PRIM2: variants seen among roughly 807,000 people sequenced by gnomAD.
PRIM2 encodes the protein DNA primase subunit 2.
Under a neutral mutation model 67.3 loss-of-function variants are expected in PRIM2, and 39 were observed. The ratio of observed to expected loss-of-function variants is 0.58; its 90% CI spans 0.45 to 0.76. The LOEUF (loss-of-function observed/expected upper bound fraction) is 0.76. PRIM2 is among the 30% of genes least tolerant of loss of function. PRIM2 has a pLI of 0.00. For missense variants in PRIM2, 398 were observed against 598.7 expected (o/e 0.66, Z 3.50); for synonymous variants, 143 against 198.7 (o/e 0.72, Z 2.36).
At chr6:57,509,705 C>T (rs2127460389) in intron 8 of PRIM2, among the ~76,000 whole-genome samples, 1 of 151,982 alleles carries the variant, frequency 6.6e-6, no homozygotes, top group East Asian at 1.9e-4. Context: ...TTTTTGCTCA[C>T]TCACCCCTAC....
In PRIM2 at chr6:57,333,046, C is replaced by T. The variant is rs558732468; in HGVS notation, c.459+7001C>T. Reference sequence around the variant, plus strand: ...ACTGTATTTTTTGAGTTATTTTCTTCGTGGTTTCCCTTAGAATTACAATTA... The same window carrying T: ...ACTGTATTTTTTGAGTTATTTTCTTTGTGGTTTCCCTTAGAATTACAATTA... On this transcript the variant is annotated intron_variant, in intron 5 of 13. Transcript: ENST00000615550. 8.2e-4 allele frequency among the ~76,000 whole-genome samples: 124 copies of T among 152,004 alleles called. 1 individual carries two copies. Among genetic ancestry groups the T allele is most frequent in the African/African-American group, 2.9e-3 (122 of 41,472 alleles).
intron 8 of PRIM2, among the ~76,000 whole-genome samples, chr6:57,529,822 T>G: frequency 6.6e-6 from 1 of 152,296 alleles, no homozygotes; most frequent in South Asian, 2.1e-4. Flanking sequence ...TATCTGAAAT[T>G]GGGTAATTTA....
At chr6:57,637,406 G>A (rs1777140649) in intron 13 of PRIM2, among the ~76,000 whole-genome samples, 1 of 151,984 alleles carries the variant, frequency 6.6e-6, no homozygotes, top group South Asian at 2.1e-4. Context: ...TGGAGAATGA[G>A]TTTGACAAAT....
chr6:57,555,261 G>C (rs1281358327), intron 10 of PRIM2, among the ~76,000 whole-genome samples: 1 of 152,058 alleles, frequency 6.6e-6, no homozygotes. Context: ...CAGTATGTCT[G>C]GCACTTTGTG....
chr6:57,461,302 C>T (rs1308936549), intron 7 of PRIM2, among the ~76,000 whole-genome samples: 1 of 152,146 alleles, frequency 6.6e-6, no homozygotes, highest in Non-Finnish European at 1.5e-5. Context: ...GTGCTGCTTC[C>T]TACATCTGCT....
the PRIM2 span, among the ~76,000 whole-genome samples, chr6:57,298,251 C>G: frequency 6.6e-6 from 1 of 152,192 alleles, no homozygotes; most frequent in Non-Finnish European, 1.5e-5. Context: ...GTCCCAGCTA[C>G]TCGGGAGGCT....
intron 5 of PRIM2, among the ~76,000 whole-genome samples, chr6:57,360,012 G>A (rs1207309674): frequency 4.6e-5 from 7 of 152,142 alleles, no homozygotes. Context: ...AATGTAATAA[G>A]GTATAAGGTA....
intron 7 of PRIM2, among the ~76,000 whole-genome samples, chr6:57,487,770 G>C (rs1381495045): frequency 6.6e-6 from 1 of 152,186 alleles, no homozygotes; most frequent in Non-Finnish European, 1.5e-5. Context: ...TGTTAATTCT[G>C]AGTGAAGCTC....
intron 5 of PRIM2, among the ~76,000 whole-genome samples, chr6:57,340,049 A>T (rs1330965310): frequency 1.3e-5 from 2 of 152,220 alleles, no homozygotes; most frequent in Non-Finnish European, 1.5e-5. Context: ...GGCAAAGGAC[A>T]TGAACAGACA....
intron 5 of PRIM2, among the ~76,000 whole-genome samples, chr6:57,348,685 G>A (rs1768756304): frequency 1.3e-5 from 2 of 151,624 alleles, no homozygotes; most frequent in Admixed American, 6.6e-5. Flanking sequence ...GGGGATGCTG[G>A]TGCATTTACA....
At chr6:57,582,315 A>G (rs1345617030) in intron 10 of PRIM2, among the ~76,000 whole-genome samples, 1 of 152,192 alleles carries the variant, frequency 6.6e-6, no homozygotes, top group Non-Finnish European at 1.5e-5. Flanking sequence ...TTAATAAGCA[A>G]TGGCGTGTTC....
intron 5 of PRIM2, among the ~76,000 whole-genome samples, chr6:57,353,768 A>G (rs1309160882): frequency 6.6e-6 from 1 of 152,198 alleles, no homozygotes; most frequent in Non-Finnish European, 1.5e-5. Context: ...TGTCTTCATC[A>G]GAAACTGGGG....
intron 5 of PRIM2, 162 bp downstream of exon 5, chr6:57,326,207 C>A: frequency 1.6e-6 from 1 of 634,106 alleles, no homozygotes; most frequent in East Asian, 3.2e-5. Flanking sequence ...CTTTCCTTCT[C>A]TATGACTAGA....
intron 10 of PRIM2, among the ~76,000 whole-genome samples, chr6:57,579,154 C>A (rs1416331799): frequency 7.5e-6 from 1 of 133,964 alleles, no homozygotes; most frequent in African/African-American, 2.7e-5. Context: ...ATTCTTGATA[C>A]AGTTTTTTTT....
At chr6:57,451,998 G>A (rs1436219755) in intron 7 of PRIM2, among the ~76,000 whole-genome samples, 1 of 144,978 alleles carries the variant, frequency 6.9e-6, no homozygotes, top group Admixed American at 7.3e-5. Context: ...TGTTCTCATT[G>A]TTCAGTTCCC....
chr6:57,520,468 A>G (rs1554348796), intron 8 of PRIM2, among the ~76,000 whole-genome samples: 3 of 152,224 alleles, frequency 2.0e-5, no homozygotes, highest in Non-Finnish European at 2.9e-5. Flanking sequence ...ATTTGGGTTC[A>G]TTATATTACT....
intron 7 of PRIM2, among the ~76,000 whole-genome samples, chr6:57,505,712 A>C (rs1774236762): frequency 6.6e-6 from 1 of 152,202 alleles, no homozygotes; most frequent in Non-Finnish European, 1.5e-5. Context: ...GGAAAAGGAA[A>C]TGAAGACTGA....
intron 7 of PRIM2, among the ~76,000 whole-genome samples, chr6:57,405,946 T>C (rs1770874482): frequency 6.6e-6 from 1 of 152,250 alleles, no homozygotes; most frequent in Admixed American, 6.5e-5. Context: ...ATTCTTCAAC[T>C]AAAATCAGTT....
At chr6:57,521,134 TG>T (rs1432812934) in intron 8 of PRIM2, among the ~76,000 whole-genome samples, 5 of 152,178 alleles carry the variant, frequency 3.3e-5, no homozygotes, top group African/African-American at 1.2e-4. Flanking sequence ...GAAAATCACC[TG>T]GGCTAATACA....
Sources: gnomAD v4.1 joint callset for allele counts (sites outside exome capture counted in the v4.1 genomes callset) on GRCh38, gnomAD v4.1.1 for gene constraint, MANE v1.5 for transcripts, NCBI Gene and HGNC (gene_info 2026-07-23, HGNC 2026-07-21) for gene names.